IFT122: variants seen among roughly 807,000 people sequenced by gnomAD.
The protein encoded by IFT122 is intraflagellar transport 122.
IFT122 carries 118 observed loss-of-function variants against 161.6 expected under a neutral mutation model. That is an observed-to-expected ratio of 0.73 (90% CI 0.63 to 0.85). The LOEUF (loss-of-function observed/expected upper bound fraction) is 0.85, where lower values mean the gene tolerates loss of function less well. Among genes scored for constraint, IFT122 ranks in the 40% least tolerant of loss-of-function variants. IFT122 has a pLI of 0.00. For synonymous variants in IFT122, 550 were observed against 602.4 expected (o/e 0.91, Z 1.27); for missense variants, 1,381 against 1,579.6 (o/e 0.87, Z 2.13).
At chr3:129,511,065 A>G (rs934977699) in intron 23 of IFT122, among the ~76,000 whole-genome samples, 49 of 152,080 alleles carry the variant, frequency 3.2e-4, no homozygotes, top group African/African-American at 1.2e-3. Context: ...CCTGGAGGTG[A>G]GTGGTAGTTT....
chr3:129,512,424 C>T lies in IFT122; in HGVS notation c.2987+12C>T, dbSNP rs769816487. On this transcript the variant is annotated intron_variant, in intron 24 of 29. Transcript: ENST00000348417. The stretch of plus-strand genomic sequence containing the variant: ...GGCATCTCTAAAGTGTATCCTTTCT[C>T]TTATCCCTCCTCCGTCCCACCACCG... The T allele has an allele frequency of 1.9e-6, 3 of 1,549,552 alleles. No individual in the cohort carries two copies. Among genetic ancestry groups the T allele is most frequent in the East Asian group, 2.2e-5 (1 of 44,568 alleles).
At position 129,492,140 on chromosome 3, in the gene IFT122, G is replaced by C; in HGVS notation, c.1993-1G>C. Reference sequence around the variant, plus strand: ...TTTTATTCTTTATTTCTTCGCCACAGGCCTTCATCAGAGTACAAGACCTCC... The same window carrying C: ...TTTTATTCTTTATTTCTTCGCCACACGCCTTCATCAGAGTACAAGACCTCC... On this transcript the variant is annotated splice_acceptor_variant, in intron 16 of 29. Coordinates refer to ENST00000348417, the MANE Select transcript of IFT122 (RefSeq NM_052989.3). LOFTEE classifies it high-confidence loss of function. The C allele has an allele frequency of 6.2e-7, 1 of 1,610,596 alleles. No homozygotes were observed. The highest frequency in any genetic ancestry group is 8.5e-7 in the Non-Finnish European group (1 of 1,177,118).
chr3:129,444,828 A>G (rs970489836), intron 1 of IFT122, among the ~76,000 whole-genome samples: 1 of 152,112 alleles, frequency 6.6e-6, no homozygotes, highest in Admixed American at 6.5e-5. Flanking sequence ...CCAAGTTTAC[A>G]CTCTTTAACA....
intron 3 of IFT122, among the ~76,000 whole-genome samples, chr3:129,458,294 C>T (rs907433079): frequency 6.6e-6 from 1 of 152,218 alleles, no homozygotes; most frequent in Non-Finnish European, 1.5e-5. Context: ...GTACTTCTTA[C>T]ACTAGACTGA....
intron 2 of IFT122, 129 bp from the exon 3 acceptor site, chr3:129,451,785 G>A (rs1355763871): frequency 1.2e-6 from 1 of 835,954 alleles, no homozygotes; most frequent in Non-Finnish European, 2.0e-6. Context: ...TTGCAGTGCA[G>A]TTTTTATTGG....
chr3:129,482,880 C>T (rs2078842519), intron 14 of IFT122, among the ~76,000 whole-genome samples: 1 of 152,188 alleles, frequency 6.6e-6, no homozygotes, highest in Non-Finnish European at 1.5e-5. Flanking sequence ...TGTTACTTCC[C>T]TTCTCCCCAG....
chr3:129,446,664 C>T (rs941006683), intron 1 of IFT122, among the ~76,000 whole-genome samples: 3 of 152,144 alleles, frequency 2.0e-5, no homozygotes, highest in African/African-American at 7.2e-5. Context: ...TCATGTTTCA[C>T]TAAAATGTGT....
chr3:129,485,247 C>T (rs2079137965), intron 15 of IFT122, among the ~76,000 whole-genome samples: 1 of 152,196 alleles, frequency 6.6e-6, no homozygotes, highest in Non-Finnish European at 1.5e-5. Flanking sequence ...CTTTGAAAGA[C>T]TTTTAGGGAA....
chr3:129,450,079 A>T (rs2074584108), intron 2 of IFT122, 142 bp downstream of exon 2: 1 of 683,438 alleles, frequency 1.5e-6, no homozygotes, highest in African/African-American at 1.8e-5. Flanking sequence ...TTTAATAGGG[A>T]TGGAAATGGG....
At position 129,483,477 on chromosome 3, in the gene IFT122, T is replaced by A. The variant is rs771699714; in HGVS notation, c.1654-8T>A. ...TCTCACAGGATCCCCACTGTCCCTGTTCCCCAGGAACCAAACGCCAACAGT... is the reference window on the plus strand; with the variant it reads ...TCTCACAGGATCCCCACTGTCCCTGATCCCCAGGAACCAAACGCCAACAGT... On this transcript the variant is annotated splice_region_variant and splice_polypyrimidine_tract_variant and intron_variant, in intron 14 of 29. Coordinates refer to ENST00000348417, the MANE Select transcript of IFT122 (RefSeq NM_052989.3). 1 of 1,613,872 alleles carries A rather than the reference T, an allele frequency of 6.2e-7. No homozygotes were observed. The highest frequency in any genetic ancestry group is 8.5e-7 in the Non-Finnish European group (1 of 1,179,896).
rs746712172 is a variant in IFT122, at chr3:129,500,065, A to T, written c.2372A>T (p.Asp791Val). 6 of 1,614,172 alleles carry T rather than the reference A, an allele frequency of 3.7e-6. No individual in the cohort carries two copies. In the Admixed American group the frequency reaches 1.0e-4, roughly 27 times the overall value. ...ATCTGTGGTGACCATGGCTGGGTTG[A>T]CATGTAGGTTTTGGTCCCTGCCCCG... Reference protein sequence around the residue: ...IEICGDHGWVDMLIDIARKLD... With the variant: ...IEICGDHGWVVMLIDIARKLD... Residue 791 changes from aspartate to valine, a missense_variant, in exon 19 of 30, where the codon GAC (aspartate) becomes GTC (valine). By Grantham distance (152) the Asp-to-Val change is radical. Around this residue, in one of 7 missense-constraint regions of IFT122, gnomAD observed 496 missense variants for 502.5 expected, o/e 0.99. Coordinates refer to ENST00000348417, the MANE Select transcript of IFT122 (RefSeq NM_052989.3).
chr3:129,492,070 C>T (rs1215240017), intron 16 of IFT122, 71 bp from the exon 17 acceptor site: 10 of 1,153,490 alleles, frequency 8.7e-6, no homozygotes, highest in Non-Finnish European at 1.3e-5. Flanking sequence ...CTTGACTTCC[C>T]ACCCCTAGCC....
chr3:129,460,796 G>C, intron 4 of IFT122: 1 of 1,424,318 alleles, frequency 7.0e-7, no homozygotes, highest in Non-Finnish European at 9.9e-7. Flanking sequence ...GAGACGCCTT[G>C]CATGGTACAT....
chr3:129,506,384 T>C (rs1278224546), intron 21 of IFT122, 25 bp from the exon 22 acceptor site: 3 of 1,611,832 alleles, frequency 1.9e-6, no homozygotes, highest in Admixed American at 3.3e-5. Flanking sequence ...CATGTGCTTT[T>C]TTCCTCCCTC....
intron 9 of IFT122, among the ~76,000 whole-genome samples, chr3:129,471,874 C>T (rs80015189): frequency 0.075 from 11,384 of 152,178 alleles, 1,147 homozygotes; most frequent in East Asian, 0.41. Context: ...TAATAGCTAA[C>T]ATTTATTGAA....
At chr3:129,508,427 T>G (rs995379501) in intron 23 of IFT122, among the ~76,000 whole-genome samples, 1 of 152,174 alleles carries the variant, frequency 6.6e-6, no homozygotes, top group Non-Finnish European at 1.5e-5. Flanking sequence ...TCAAGTCATT[T>G]CCTCCTTTCA....
rs767732246 is a variant in IFT122 at position 129,479,927 on chromosome 3, G to A, written c.1488+5G>A. On this transcript the variant is annotated splice_donor_5th_base_variant and intron_variant, in intron 13 of 29. Coordinates refer to ENST00000348417, the MANE Select transcript of IFT122 (RefSeq NM_052989.3). ...GTGGGGCTGAAGAATGGACAGGTGA[G>A]TGCTCCCTCACGTCTCCTGTCAGGC... 15 of 1,613,736 alleles carry A rather than the reference G, an allele frequency of 9.3e-6. No homozygotes were observed. In the East Asian group the frequency reaches 1.8e-4, roughly 19 times the overall value.
At chr3:129,517,764 T>C (rs971105603) in intron 27 of IFT122, among the ~76,000 whole-genome samples, 170 bp downstream of exon 27, 3 of 152,154 alleles carry the variant, frequency 2.0e-5, no homozygotes, top group African/African-American at 7.2e-5. Flanking sequence ...GGATCAGAGA[T>C]GGGCAGACAG....
At chr3:129,483,837 C>A in intron 15 of IFT122, 155 bp downstream of exon 15, 1 of 773,338 alleles carries the variant, frequency 1.3e-6, no homozygotes. Flanking sequence ...AACCTGCCGC[C>A]CTGTCTCCAC....
Sources: gnomAD v4.1 joint callset for allele counts (sites outside exome capture counted in the v4.1 genomes callset) on GRCh38, gnomAD v4.1.1 for gene constraint, gnomAD v4.1.1 regional missense constraint, MANE v1.5 for transcripts, NCBI Gene and HGNC (gene_info 2026-07-23, HGNC 2026-07-21) for gene names.